The following ACTR3C variants were observed in gnomAD, a reference collection of about 807,000 sequenced individuals.
ACTR3C encodes the protein actin related protein 3C.
Under a neutral mutation model 26.3 loss-of-function variants are expected in ACTR3C, and 18 were observed. The observed-to-expected ratio is 0.68, with a 90% confidence interval of 0.47 to 1.01. The LOEUF is 1.01. Ranked by LOEUF, ACTR3C falls within the 50% of genes least tolerant of loss-of-function variation. The pLI is 0.00. For synonymous variants in ACTR3C, 55 were observed against 94.5 expected (o/e 0.58, Z 2.42); for missense variants, 184 against 250.7 (o/e 0.73, Z 1.80).
chr7:150,061,408 T>C, the ACTR3C span, among the ~76,000 whole-genome samples: 1 of 151,938 alleles, frequency 6.6e-6, no homozygotes, highest in Non-Finnish European at 1.5e-5. Context: ...CAAAAAGGCA[T>C]ATTTTCCTGT....
the ACTR3C span, among the ~76,000 whole-genome samples, chr7:150,224,350 C>T: frequency 6.6e-6 from 1 of 152,216 alleles, no homozygotes; most frequent in East Asian, 1.9e-4. Flanking sequence ...AAAGTCATTC[C>T]ATTACAGCAT....
the ACTR3C span, among the ~76,000 whole-genome samples, chr7:150,150,050 C>A: frequency 6.6e-6 from 1 of 151,988 alleles, no homozygotes; most frequent in South Asian, 2.1e-4. Flanking sequence ...CTTGCCCTCC[C>A]AGCCCCATTT....
At chr7:150,124,757 A>T in the ACTR3C span, among the ~76,000 whole-genome samples, 4 of 152,084 alleles carry the variant, frequency 2.6e-5, no homozygotes, top group Admixed American at 6.6e-5. Context: ...GACCTCACAC[A>T]CTGCAGGTAA....
At chr7:150,039,188 CG>C in the ACTR3C span, among the ~76,000 whole-genome samples, 3 of 144,680 alleles carry the variant, frequency 2.1e-5, no homozygotes, top group South Asian at 2.2e-4. Flanking sequence ...CCCCGCCTCG[CG>C]GGGGGTGCCT....
chr7:149,994,802 G>T, the ACTR3C span, among the ~76,000 whole-genome samples: 1 of 151,322 alleles, frequency 6.6e-6, no homozygotes, highest in Non-Finnish European at 1.5e-5. Context: ...AGTGACGAAG[G>T]AAGAAGTGAG....
the ACTR3C span, among the ~76,000 whole-genome samples, chr7:150,033,935 C>A: frequency 1.3e-3 from 193 of 144,766 alleles, no homozygotes; most frequent in Non-Finnish European, 2.1e-3. Context: ...TCCCCCCCTG[C>A]GATGGGGGTG....
chr7:149,992,920 C>G, the ACTR3C span, among the ~76,000 whole-genome samples: 2 of 152,148 alleles, frequency 1.3e-5, no homozygotes, highest in African/African-American at 4.8e-5. Context: ...CAGACTGTGG[C>G]CAAAGGCTGG....
the ACTR3C span, among the ~76,000 whole-genome samples, chr7:150,227,951 C>T: frequency 2.6e-5 from 4 of 152,056 alleles, no homozygotes; most frequent in East Asian, 1.9e-4. Context: ...TGTTCTTCTT[C>T]GGTAGTGTAT....
At chr7:149,911,437 C>T in the ACTR3C span, among the ~76,000 whole-genome samples, 24 of 152,014 alleles carry the variant, frequency 1.6e-4, no homozygotes, top group Non-Finnish European at 3.1e-4. Flanking sequence ...TCTACACCCC[C>T]GGCACAGTGA....
the ACTR3C span, among the ~76,000 whole-genome samples, chr7:150,166,266 A>ATGTTT: frequency 1.3e-5 from 2 of 151,056 alleles, no homozygotes; most frequent in East Asian, 3.8e-4. Flanking sequence ...AGTACATGTG[A>ATGTTT]TGTTTTGATA....
the ACTR3C span, among the ~76,000 whole-genome samples, chr7:149,920,224 C>T: frequency 4.6e-5 from 7 of 152,060 alleles, no homozygotes; most frequent in Non-Finnish European, 1.5e-5. Context: ...AGCTTTTGCC[C>T]ATTTGCAAAT....
At chr7:150,117,747 GCCT>G in the ACTR3C span, among the ~76,000 whole-genome samples, 16 of 152,240 alleles carry the variant, frequency 1.1e-4, no homozygotes, top group Non-Finnish European at 1.8e-4. Flanking sequence ...GGGACAGACT[GCCT>G]CCTCAAGTGG....
At chr7:149,885,089 C>T in the ACTR3C span, among the ~76,000 whole-genome samples, 1 of 152,076 alleles carries the variant, frequency 6.6e-6, no homozygotes, top group East Asian at 1.9e-4. Context: ...CCTCCCTTTA[C>T]CCACCAGATG....
downstream of ACTR3C, among the ~76,000 whole-genome samples, chr7:150,240,066 AC>A (rs1419061194): frequency 2.0e-4 from 30 of 152,148 alleles, no homozygotes; most frequent in African/African-American, 6.8e-4. Flanking sequence ...GGGCAAGATT[AC>A]TTTTGTATTC....
the ACTR3C span, among the ~76,000 whole-genome samples, chr7:149,927,690 T>C: frequency 6.6e-6 from 1 of 151,206 alleles, no homozygotes; most frequent in Non-Finnish European, 1.5e-5. Context: ...ATCACGCCAT[T>C]CTACTCCAGT....
the ACTR3C span, among the ~76,000 whole-genome samples, chr7:149,963,708 G>A: frequency 3.3e-5 from 5 of 152,202 alleles, no homozygotes; most frequent in Non-Finnish European, 5.9e-5. Flanking sequence ...AGGGTGACAC[G>A]GAGCAGCTGG....
At chr7:150,108,821 G>A in the ACTR3C span, among the ~76,000 whole-genome samples, 1 of 150,386 alleles carries the variant, frequency 6.6e-6, no homozygotes, top group Non-Finnish European at 1.5e-5. Context: ...GCAACACAAA[G>A]GGACTAAGAC....
the ACTR3C span, among the ~76,000 whole-genome samples, chr7:150,122,728 C>T: frequency 1.3e-5 from 2 of 152,242 alleles, no homozygotes; most frequent in Non-Finnish European, 2.9e-5. Flanking sequence ...CCCAGCAATC[C>T]CACTACTGGG....
chr7:150,015,036 G>A, the ACTR3C span, among the ~76,000 whole-genome samples: 1 of 152,178 alleles, frequency 6.6e-6, no homozygotes, highest in Non-Finnish European at 1.5e-5. Context: ...TGGCTCTGAA[G>A]ATGAATGTAG....
Sources: gnomAD v4.1 joint callset for allele counts (sites outside exome capture counted in the v4.1 genomes callset) on GRCh38, gnomAD v4.1.1 for gene constraint, MANE v1.5 for transcripts, NCBI Gene and HGNC (gene_info 2026-07-23, HGNC 2026-07-21) for gene names.